LARP1: variants seen among roughly 807,000 people sequenced by gnomAD.
LARP1 encodes la-related protein 1.
LARP1 carries 36 observed loss-of-function variants against 122.7 expected under a neutral mutation model. The observed-to-expected ratio is 0.29, with a 90% CI of 0.22 to 0.39. The LOEUF (loss-of-function observed/expected upper bound fraction) is 0.39, where lower values mean the gene tolerates loss of function less well. Ranked by LOEUF, LARP1 falls within the 10% of genes least tolerant of loss-of-function variation. LARP1 has a pLI of 1.00. For synonymous variants in LARP1, 539 were observed against 528.7 expected (o/e 1.02, Z -0.27); for missense variants, 1,040 against 1,403.6 (o/e 0.74, Z 4.14).
rs1446803792 is a variant in LARP1 at position 154,814,142 on chromosome 5, G to A, written c.*46G>A. On this transcript the variant is annotated 3_prime_UTR_variant, in exon 19 of 19. Coordinates refer to ENST00000518297, the MANE Select transcript of LARP1 (RefSeq NM_033551.3). ...CTTGAGGGGGGAAAGGGGTAGGGTG[G>A]GTAAGAGTCCATGGGGGTGCCCAGT... The A allele has an allele frequency of 1.3e-6, 2 of 1,587,668 alleles. No homozygotes were observed. The highest frequency in any genetic ancestry group is 1.3e-5 in the African/African-American group (1 of 74,378).
rs529195786 is a variant in LARP1 at position 154,720,936 on chromosome 5, C to A, written c.205+7806C>A. On this transcript the variant is annotated intron_variant, in intron 1 of 18. Transcript: ENST00000336314. ...TTGAGGTAGCAAGCAGGAAAACCAT[C>A]CAATCAGAGAGCCTCTGAGTCTGCA... Among the ~76,000 whole-genome samples the A allele has an allele frequency of 1.7e-3, 261 of 152,170 alleles. 6 individuals are homozygous for A. Among genetic ancestry groups the A allele is most frequent in the Non-Finnish European group, 2.1e-3 (146 of 68,016 alleles).
chr5:154,761,032 A>G (rs986871768), intron 1 of LARP1, among the ~76,000 whole-genome samples: 2 of 152,256 alleles, frequency 1.3e-5, no homozygotes, highest in Non-Finnish European at 2.9e-5. Flanking sequence ...AGTCTATTAC[A>G]TAAGACTTAA....
intron 1 of LARP1, among the ~76,000 whole-genome samples, chr5:154,723,691 C>G (rs1371095474): frequency 6.6e-6 from 1 of 152,162 alleles, no homozygotes; most frequent in African/African-American, 2.4e-5. Flanking sequence ...CTGCATTATA[C>G]AGATGAGGAA....
intron 1 of LARP1, among the ~76,000 whole-genome samples, chr5:154,732,770 A>G (rs1756663461): frequency 6.6e-6 from 1 of 152,112 alleles, no homozygotes; most frequent in Non-Finnish European, 1.5e-5. Flanking sequence ...TGGATGTGAT[A>G]TATATTTAAA....
intron 15 of LARP1, 108 bp downstream of exon 15, chr5:154,806,140 GCAA>G: frequency 8.4e-7 from 1 of 1,187,264 alleles, no homozygotes; most frequent in Non-Finnish European, 1.2e-6. Flanking sequence ...TGACTTCAGA[GCAA>G]AAAAAAGACA....
At chr5:154,740,307 C>T (rs909806940) in intron 1 of LARP1, among the ~76,000 whole-genome samples, 12 of 150,388 alleles carry the variant, frequency 8.0e-5, no homozygotes, top group Non-Finnish European at 8.8e-5. Context: ...GCAGGAGAAT[C>T]GCTTGAATCT....
intron 1 of LARP1, among the ~76,000 whole-genome samples, chr5:154,714,702 A>G (rs1755394302): frequency 6.6e-6 from 1 of 152,080 alleles, no homozygotes; most frequent in African/African-American, 2.4e-5. Flanking sequence ...ATCTCAGAGA[A>G]TGTTGGTTTC....
At chr5:154,777,600 T>C (rs531695813) in intron 1 of LARP1, among the ~76,000 whole-genome samples, 145 of 152,316 alleles carry the variant, frequency 9.5e-4, no homozygotes, top group African/African-American at 3.3e-3. Context: ...TGCTTCACTT[T>C]ACTAGCCTTA....
chr5:154,810,967 ACT>A (rs1759220835), intron 16 of LARP1, among the ~76,000 whole-genome samples: 2 of 152,168 alleles, frequency 1.3e-5, no homozygotes, highest in African/African-American at 4.8e-5. Flanking sequence ...AACTCCGTTC[ACT>A]CTGTTATTGT....
At chr5:154,759,208 A>G (rs1754248471) in intron 1 of LARP1, among the ~76,000 whole-genome samples, 2 of 151,946 alleles carry the variant, frequency 1.3e-5, no homozygotes, top group East Asian at 1.9e-4. Flanking sequence ...ACCAGCATTC[A>G]TTGTTATGAT....
rs1758469603 is a variant in LARP1 at position 154,803,045 on chromosome 5, C to G, written c.2110-245C>G. ...TGAGTTCCTGAGGAGCTACTGTCAGCCTGATCTCAGTCTTACTACAGGGAG... is the reference window on the plus strand; with the variant it reads ...TGAGTTCCTGAGGAGCTACTGTCAGGCTGATCTCAGTCTTACTACAGGGAG... On this transcript the variant is annotated intron_variant, in intron 11 of 18. Transcript: ENST00000518297. The surrounding 1 kb of genome is among the most constrained non-coding windows in gnomAD (Gnocchi z 4.4). 6.6e-6 allele frequency among the ~76,000 whole-genome samples: 1 copy of G among 152,162 alleles called. No homozygotes were observed. The highest frequency in any genetic ancestry group is 1.5e-5 in the Non-Finnish European group (1 of 68,024).
chr5:154,806,161 A>T, intron 15 of LARP1, 129 bp downstream of exon 15: 2 of 1,007,712 alleles, frequency 2.0e-6, no homozygotes, highest in Non-Finnish European at 2.8e-6. Flanking sequence ...ACATGACATT[A>T]TAGCAAGAAA....
At chr5:154,719,044 GA>G (rs935315629) in intron 1 of LARP1, among the ~76,000 whole-genome samples, 3 of 152,168 alleles carry the variant, frequency 2.0e-5, no homozygotes, top group African/African-American at 7.2e-5. Flanking sequence ...GCTCAGAGAA[GA>G]AAACTGAGGC....
intron 6 of LARP1, 28 bp downstream of exon 6, chr5:154,794,028 A>G: frequency 6.2e-7 from 1 of 1,608,198 alleles, no homozygotes; most frequent in Non-Finnish European, 8.5e-7. Context: ...GGGCTCCGGG[A>G]TGTCCAAGGG....
intron 1 of LARP1, among the ~76,000 whole-genome samples, chr5:154,691,168 A>C (rs1309617264): frequency 2.0e-5 from 3 of 150,610 alleles, no homozygotes; most frequent in African/African-American, 7.3e-5. Flanking sequence ...AGGCTGAGGC[A>C]GGAGAATGGC....
chr5:154,694,191 G>A (rs1163107020), intron 1 of LARP1, among the ~76,000 whole-genome samples: 2 of 152,156 alleles, frequency 1.3e-5, no homozygotes, highest in Non-Finnish European at 2.9e-5. Context: ...AATATAAGAT[G>A]TGATTCTTGA....
chr5:154,685,390 A>G (rs1753882355), intron 1 of LARP1, among the ~76,000 whole-genome samples: 1 of 152,030 alleles, frequency 6.6e-6, no homozygotes, highest in African/African-American at 2.4e-5. Context: ...TGGCCATGGT[A>G]CCTTCTCCCC....
At chr5:154,785,948 G>T (rs2113744546) in intron 1 of LARP1, among the ~76,000 whole-genome samples, 1 of 152,280 alleles carries the variant, frequency 6.6e-6, no homozygotes, top group Non-Finnish European at 1.5e-5. Flanking sequence ...AGTGAAAATA[G>T]TGGGTTTGCC....
At chr5:154,794,539 T>C (rs1757596400) in intron 7 of LARP1, among the ~76,000 whole-genome samples, 1 of 152,250 alleles carries the variant, frequency 6.6e-6, no homozygotes, top group Admixed American at 6.5e-5. Context: ...CTTCCATTTG[T>C]AATGACAACA....
Sources: allele counts gnomAD v4.1 joint callset (sites outside exome capture counted in the v4.1 genomes callset), GRCh38; gene constraint gnomAD v4.1.1; non-coding constraint Gnocchi (gnomAD v3.1); transcripts MANE v1.5; gene names NCBI Gene and HGNC (gene_info 2026-07-23, HGNC 2026-07-21).